PCDH17: variants seen among roughly 807,000 people sequenced by gnomAD.
PCDH17 encodes protocadherin 17, also known as protocadherin-17.
A neutral mutation model predicts 67.7 loss-of-function variants in PCDH17; 21 were observed. That is an observed-to-expected ratio of 0.31 (90% CI 0.22 to 0.45). The LOEUF (loss-of-function observed/expected upper bound fraction) is 0.45, where lower values mean the gene tolerates loss of function less well. Among genes scored for constraint, PCDH17 ranks in the 20% least tolerant of loss-of-function variants. PCDH17 has a pLI of 1.00. For synonymous variants in PCDH17, 701 were observed against 656.7 expected (o/e 1.07, Z -1.03); for missense variants, 1,471 against 1,564.8 (o/e 0.94, Z 1.01).
chr13:57,701,327 T>C (rs941272202), intron 3 of PCDH17, among the ~76,000 whole-genome samples: 1 of 152,082 alleles, frequency 6.6e-6, no homozygotes, highest in Non-Finnish European at 1.5e-5. Context: ...CAAAAAGTGA[T>C]GGGAAAATAA....
rs1954779173 is a variant in PCDH17, at chr13:57,634,089, C to T, written c.1543C>T (p.His515Tyr). 1 of 1,612,820 alleles carries T rather than the reference C, an allele frequency of 6.2e-7. No individual in the cohort carries two copies. The highest frequency in any genetic ancestry group is 8.5e-7 in the Non-Finnish European group (1 of 1,179,786). The change falls in exon 1 of 4, where the codon CAC (histidine) becomes TAC (tyrosine). Residue 515 changes from histidine to tyrosine, a missense_variant. By Grantham distance (83) the His-to-Tyr change is moderately conservative. Coordinates refer to ENST00000377918, the MANE Select transcript of PCDH17 (RefSeq NM_001040429.3). The surrounding 1 kb of genome is among the most constrained non-coding windows in gnomAD (Gnocchi z 7.8). The part of the protein sequence containing the change: ...GTVSYSILPS[H>Y]IGDVSIYTYV... The stretch of plus-strand genomic sequence containing the variant: ...CGTATCCTACTCTATCCTGCCCTCG[C>T]ACATCGGCGACGTGTCTATCTACAC...
intron 3 of PCDH17, among the ~76,000 whole-genome samples, chr13:57,683,030 C>A (rs1185197737): frequency 6.6e-6 from 1 of 151,766 alleles, no homozygotes; most frequent in Non-Finnish European, 1.5e-5. Context: ...GAGGAAATAA[C>A]CATTCTAAGG....
chr13:57,663,993 A>AT (rs1329268649), intron 1 of PCDH17, among the ~76,000 whole-genome samples: 2 of 151,962 alleles, frequency 1.3e-5, no homozygotes, highest in Non-Finnish European at 2.9e-5. Flanking sequence ...TAGCCTCGAC[A>AT]TCCTGGGCTC....
chr13:57,663,015 T>A (rs542377890), intron 1 of PCDH17, among the ~76,000 whole-genome samples: 1 of 152,280 alleles, frequency 6.6e-6, no homozygotes, highest in South Asian at 2.1e-4. Context: ...TGTTTTGTTA[T>A]GATCAAATAA....
chr13:57,727,497 G>A lies in PCDH17; in HGVS notation c.*2203G>A, dbSNP rs929498134. 5.3e-5 allele frequency: 8 copies of A among 152,020 alleles called. No homozygotes were observed. Among genetic ancestry groups the A allele is most frequent in the Admixed American group, 2.0e-4 (3 of 15,252 alleles). The allele number at this position is 152,020 out of a possible 1,614,324, so 9.4% of individuals were successfully genotyped here. On this transcript the variant is annotated 3_prime_UTR_variant, in exon 4 of 4. Transcript: ENST00000377918. Reference sequence around the variant, plus strand: ...CCATCAATATTTTAGACTGTACCTCGTTTGCAAAACTGCTTTGAGAGGGAA... The same window carrying A: ...CCATCAATATTTTAGACTGTACCTCATTTGCAAAACTGCTTTGAGAGGGAA...
intron 1 of PCDH17, among the ~76,000 whole-genome samples, chr13:57,649,346 T>A (rs1025011964): frequency 2.6e-5 from 4 of 152,154 alleles, no homozygotes; most frequent in African/African-American, 9.6e-5. Flanking sequence ...AAGCTTTTCC[T>A]AAAGCTTTTT....
chr13:57,698,067 A>T (rs1955628059), intron 3 of PCDH17, among the ~76,000 whole-genome samples: 1 of 151,712 alleles, frequency 6.6e-6, no homozygotes, highest in Admixed American at 6.6e-5. Flanking sequence ...AAGCCAGTAT[A>T]CATATGGTGT....
chr13:57,683,272 T>C (rs1356006073), intron 3 of PCDH17, among the ~76,000 whole-genome samples: 1 of 151,868 alleles, frequency 6.6e-6, no homozygotes, highest in Non-Finnish European at 1.5e-5. Context: ...AATGATCATG[T>C]TTTTCAGTAT....
At chr13:57,669,454 C>T (rs1229505550) in intron 3 of PCDH17, among the ~76,000 whole-genome samples, 1 of 151,678 alleles carries the variant, frequency 6.6e-6, no homozygotes, top group East Asian at 1.9e-4. Flanking sequence ...ATTTCTTTGT[C>T]TACTTCTCAT....
chr13:57,634,855 T>C lies in PCDH17; in HGVS notation c.2309T>C (p.Val770Ala). The C allele has an allele frequency of 6.2e-7, 1 of 1,614,046 alleles. No homozygotes were observed. Among genetic ancestry groups the C allele is most frequent in the Non-Finnish European group, 8.5e-7 (1 of 1,180,002 alleles). The change falls in exon 1 of 4, where the codon GTG becomes GCG. Residue 770 changes from valine to alanine, a missense_variant. By Grantham distance (64) the Val-to-Ala change is moderately conservative (BLOSUM62 0). Coordinates refer to ENST00000377918, the MANE Select transcript of PCDH17 (RefSeq NM_001040429.3). This position sits in a 1 kb window ranked among gnomAD's most constrained non-coding sequence, Gnocchi z 7.8. Reference sequence around the variant, plus strand: ...ATCAACAAAAATGATATCATGCTGGTGCAGAGCGAAGTGGAGGAGAGGAAC... The same window carrying C: ...ATCAACAAAAATGATATCATGCTGGCGCAGAGCGAAGTGGAGGAGAGGAAC... ...KKINKNDIML[V>A]QSEVEERNAM... is the part of the protein sequence containing the mutation.
intron 3 of PCDH17, among the ~76,000 whole-genome samples, chr13:57,680,139 C>CAT (rs141639325): frequency 0.28 from 42,040 of 148,450 alleles, 6,069 homozygotes; most frequent in Middle Eastern, 0.37. Flanking sequence ...GTTATATCTA[C>CAT]ATATATATAT....
intron 3 of PCDH17, among the ~76,000 whole-genome samples, chr13:57,713,044 G>A (rs1955789920): frequency 2.0e-5 from 3 of 151,454 alleles, no homozygotes; most frequent in South Asian, 4.1e-4. Context: ...TATCTTTACT[G>A]TGATTCAGAA....
intron 3 of PCDH17, 73 bp downstream of exon 3, chr13:57,666,906 T>G: frequency 8.3e-7 from 1 of 1,205,468 alleles, no homozygotes; most frequent in East Asian, 2.5e-5. Flanking sequence ...GATCTAGAGT[T>G]GCAGTTTATC....
intron 3 of PCDH17, among the ~76,000 whole-genome samples, chr13:57,706,893 C>T (rs1955726360): frequency 6.6e-6 from 1 of 152,096 alleles, no homozygotes; most frequent in Admixed American, 6.6e-5. Flanking sequence ...TGAGAATTTT[C>T]CAAATCAAGT....
intron 3 of PCDH17, among the ~76,000 whole-genome samples, chr13:57,706,772 CTGTTGAAATGGTGGAT>C (rs1955725591): frequency 1.3e-5 from 2 of 152,222 alleles, no homozygotes; most frequent in South Asian, 2.1e-4. Context: ...ATCCTAACCA[CTGTTGAAATGGTGGAT>C]TGGATCCATA....
chr13:57,665,381 G>GA (rs888290447), intron 1 of PCDH17, among the ~76,000 whole-genome samples: 4 of 151,842 alleles, frequency 2.6e-5, no homozygotes, highest in Admixed American at 2.6e-4. Flanking sequence ...ATGGGAAGAA[G>GA]AAAAAAAGAA....
chr13:57,697,281 T>C (rs757802061), intron 3 of PCDH17, among the ~76,000 whole-genome samples: 2 of 151,712 alleles, frequency 1.3e-5, no homozygotes, highest in Admixed American at 6.6e-5. Flanking sequence ...AGATTAGCCA[T>C]GTTGCAGAAC....
At chr13:57,679,962 T>G (rs77428300) in intron 3 of PCDH17, among the ~76,000 whole-genome samples, 6,285 of 151,528 alleles carry the variant, frequency 0.041, 300 homozygotes, top group African/African-American at 0.11. Flanking sequence ...GGGCCAGGTC[T>G]CATTATCATT....
At chr13:57,720,600 G>C (rs1441555770) in intron 3 of PCDH17, among the ~76,000 whole-genome samples, 1 of 151,738 alleles carries the variant, frequency 6.6e-6, no homozygotes, top group Non-Finnish European at 1.5e-5. Context: ...TTTCTCTTAT[G>C]GTAATTGCTA....
Sources: allele counts gnomAD v4.1 joint callset (sites outside exome capture counted in the v4.1 genomes callset), GRCh38; gene constraint gnomAD v4.1.1; non-coding constraint Gnocchi (gnomAD v3.1); transcripts MANE v1.5; gene names NCBI Gene and HGNC (gene_info 2026-07-23, HGNC 2026-07-21).